CCSER1: variants seen among roughly 807,000 people sequenced by gnomAD.
CCSER1 encodes the protein coiled-coil serine rich protein 1.
In CCSER1, 41 loss-of-function variants were observed where a neutral mutation model predicts 82.0. The observed-to-expected ratio is 0.50, with a 90% CI of 0.39 to 0.65. The LOEUF (loss-of-function observed/expected upper bound fraction) is 0.65. Among genes scored for constraint, CCSER1 ranks in the 30% least tolerant of loss-of-function variants. The pLI, the probability that CCSER1 is intolerant of heterozygous loss-of-function variation, is 0.00. For synonymous variants in CCSER1, 414 were observed against 383.9 expected, an observed-to-expected ratio of 1.08 and a Z score of -0.92; for missense variants, 1,119 against 1,064.2, an observed-to-expected ratio of 1.05 and a Z score of -0.72.
chr4:90,635,761 GA>G (rs1382308621), intron 6 of CCSER1, among the ~76,000 whole-genome samples: 1 of 151,788 alleles, frequency 6.6e-6, no homozygotes, highest in Non-Finnish European at 1.5e-5. Flanking sequence ...AAAATAGCTA[GA>G]AGATTTGTAA....
intron 9 of CCSER1, among the ~76,000 whole-genome samples, chr4:91,076,941 T>G (rs549667718): frequency 6.6e-6 from 1 of 152,196 alleles, no homozygotes; most frequent in Non-Finnish European, 1.5e-5. Flanking sequence ...TGGGGCAGAT[T>G]ACCAGAGAGG....
rs146684959 is a variant in CCSER1 at position 90,325,043 on chromosome 4, T to C, written c.1509+11996T>C. Among the ~76,000 whole-genome samples the C allele has an allele frequency of 2.9e-3, 446 of 152,346 alleles. 4 individuals carry two copies. The highest frequency in any genetic ancestry group is 4.3e-3 in the Non-Finnish European group (293 of 68,020). ...CCATTGATCTATATCTCTGTTTTGG[T>C]ACCTATCCTCTTTAATGCCTCTCCT... On this transcript the variant is annotated intron_variant, in intron 3 of 10. Transcript: ENST00000509176.
chr4:90,642,014 A>G, intron 6 of CCSER1: 1 of 290,298 alleles, frequency 3.4e-6, no homozygotes, highest in South Asian at 2.8e-5. Flanking sequence ...CGATGGGCTA[A>G]ATCCGACATT....
chr4:91,057,267 A>G (rs1743531471), intron 9 of CCSER1, among the ~76,000 whole-genome samples: 1 of 152,110 alleles, frequency 6.6e-6, no homozygotes, highest in Middle Eastern at 3.2e-3. Context: ...ATGAAAATTC[A>G]TGGTTCAAGC....
At chr4:90,415,304 CA>C (rs1755628250) in intron 4 of CCSER1, among the ~76,000 whole-genome samples, 1 of 152,166 alleles carries the variant, frequency 6.6e-6, no homozygotes, top group Non-Finnish European at 1.5e-5. Context: ...ATCATGCTGC[CA>C]GTTCAGTATT....
chr4:90,270,537 C>A (rs1560915531), intron 1 of CCSER1, among the ~76,000 whole-genome samples: 1 of 152,068 alleles, frequency 6.6e-6, no homozygotes, highest in Non-Finnish European at 1.5e-5. Flanking sequence ...GAGCTAGTAT[C>A]ATACAGACTA....
At chr4:91,285,350 G>A (rs1291371565) in intron 10 of CCSER1, among the ~76,000 whole-genome samples, 1 of 151,064 alleles carries the variant, frequency 6.6e-6, no homozygotes, top group African/African-American at 2.4e-5. Context: ...TGGAGATAGA[G>A]AAGATATTTT....
intron 6 of CCSER1, among the ~76,000 whole-genome samples, chr4:90,667,021 A>G (rs1731919390): frequency 6.6e-6 from 1 of 152,188 alleles, no homozygotes; most frequent in Admixed American, 6.5e-5. Flanking sequence ...AAAGAAAGTC[A>G]AGTTGTTGAA....
chr4:91,508,469 T>C (rs1217073328), intron 10 of CCSER1, among the ~76,000 whole-genome samples: 1 of 151,722 alleles, frequency 6.6e-6, no homozygotes, highest in African/African-American at 2.4e-5. Context: ...TCCTGATGTG[T>C]AATTGTTTCT....
intron 1 of CCSER1, among the ~76,000 whole-genome samples, chr4:90,250,472 T>A (rs1202619417): frequency 6.6e-6 from 1 of 152,048 alleles, no homozygotes. Flanking sequence ...GAAAAGACAA[T>A]TCTTTCCTCC....
At chr4:91,009,439 C>G (rs947080625) in intron 9 of CCSER1, among the ~76,000 whole-genome samples, 4 of 152,178 alleles carry the variant, frequency 2.6e-5, no homozygotes, top group Admixed American at 6.5e-5. Flanking sequence ...AAGTTGCAAG[C>G]CCCGCGTTTA....
intron 6 of CCSER1, among the ~76,000 whole-genome samples, chr4:90,639,260 TATCA>T (rs1465561584): frequency 1.3e-5 from 2 of 151,672 alleles, no homozygotes; most frequent in Admixed American, 1.3e-4. Flanking sequence ...ATTGAATCAA[TATCA>T]ATCAATATTG....
intron 10 of CCSER1, among the ~76,000 whole-genome samples, chr4:91,474,809 A>ATTTGTG: frequency 1.5e-5 from 1 of 66,692 alleles, no homozygotes; most frequent in African/African-American, 6.0e-5. Context: ...ATATATATAT[A>ATTTGTG]TATACACACA....
intron 8 of CCSER1, among the ~76,000 whole-genome samples, chr4:90,921,022 A>G (rs892415034): frequency 7.9e-5 from 12 of 151,710 alleles, no homozygotes; most frequent in Non-Finnish European, 1.5e-5. Flanking sequence ...ATATAGATAG[A>G]TTTATTGTAT....
chr4:90,177,288 T>C (rs1732889869), intron 1 of CCSER1, among the ~76,000 whole-genome samples: 1 of 152,140 alleles, frequency 6.6e-6, no homozygotes, highest in South Asian at 2.1e-4. Context: ...CTCTGACAGC[T>C]GATCTTTTCA....
intron 10 of CCSER1, among the ~76,000 whole-genome samples, chr4:91,371,242 T>A (rs2149324426): frequency 1.3e-5 from 2 of 152,224 alleles, no homozygotes; most frequent in Middle Eastern, 3.4e-3. Flanking sequence ...CTACATCATA[T>A]TCATTCTAAC....
intron 3 of CCSER1, among the ~76,000 whole-genome samples, chr4:90,390,769 G>T (rs1280261083): frequency 6.6e-6 from 1 of 152,054 alleles, no homozygotes; most frequent in African/African-American, 2.4e-5. Flanking sequence ...TATCTTTTTG[G>T]TAGAATTATT....
At chr4:90,320,905 G>A (rs972088559) in intron 3 of CCSER1, among the ~76,000 whole-genome samples, 4 of 151,984 alleles carry the variant, frequency 2.6e-5, no homozygotes, top group African/African-American at 9.7e-5. Context: ...TTACCTCTGT[G>A]ATAACATAAT....
At chr4:90,826,504 A>G (rs950918011) in intron 8 of CCSER1, among the ~76,000 whole-genome samples, 11 of 152,224 alleles carry the variant, frequency 7.2e-5, no homozygotes, top group African/African-American at 2.2e-4. Flanking sequence ...GCCACTAGCT[A>G]CTGAGCTCCT....
Sources: gnomAD v4.1 joint callset for allele counts (sites outside exome capture counted in the v4.1 genomes callset) on GRCh38, gnomAD v4.1.1 for gene constraint, MANE v1.5 for transcripts, NCBI Gene and HGNC (gene_info 2026-07-23, HGNC 2026-07-21) for gene names.